MORC4: variants seen among roughly 807,000 people sequenced by gnomAD.
MORC4 encodes MORC family CW-type zinc finger protein 4.
MORC4 carries 22 observed loss-of-function variants against 65.5 expected under a neutral mutation model. The observed-to-expected ratio is 0.34, with a 90% confidence interval of 0.24 to 0.48. The LOEUF is 0.48. Ranked by LOEUF, MORC4 falls within the 20% of genes least tolerant of loss-of-function variation. The pLI, the probability that MORC4 is intolerant of heterozygous loss-of-function variation, is 0.99. For synonymous variants in MORC4, 267 were observed against 255.8 expected, an observed-to-expected ratio of 1.04 and a Z score of -0.42; for missense variants, 624 against 703.0, an observed-to-expected ratio of 0.89 and a Z score of 1.27.
chrX:106,992,017 T>C (rs966577236), intron 3 of MORC4, among the ~76,000 whole-genome samples: 1 of 112,023 alleles, frequency 8.9e-6, no homozygotes, highest in Non-Finnish European at 1.9e-5. Flanking sequence ...TTTCTTAATA[T>C]ATAATATTAA....
Position 106,981,375 on chromosome X carries a change from A to C in MORC4, c.777T>G (p.Ser259=). 3 of 1,207,227 alleles carry C rather than the reference A, an allele frequency of 2.5e-6. No individual in the cohort carries two copies. Among genetic ancestry groups the C allele is most frequent in the Non-Finnish European group, 3.4e-6 (3 of 893,120 alleles). ...AAGAATATTCTGTTTCTGGTAGCTCAGAGGTAACACCGCCAGTCATTTTTT... is the reference window on the plus strand; with the variant it reads ...AAGAATATTCTGTTTCTGGTAGCTCCGAGGTAACACCGCCAGTCATTTTTT... ...TEEKMTGGVT[S]ELPETEYSLR... is the part of the protein sequence containing the mutation. Residue 259 remains serine, a synonymous_variant, in exon 6 of 17, where the codon TCT becomes TCG. Transcript: ENST00000355610.
At chrX:106,997,855 C>G (rs891072413) in intron 2 of MORC4, among the ~76,000 whole-genome samples, 1 of 111,937 alleles carries the variant, frequency 8.9e-6, no homozygotes, top group African/African-American at 3.2e-5. Context: ...TCACCTCCTC[C>G]ACAAAGCCTT....
intron 14 of MORC4, among the ~76,000 whole-genome samples, chrX:106,948,654 C>T (rs2147804459): frequency 9.0e-6 from 1 of 111,673 alleles, no homozygotes; most frequent in South Asian, 3.7e-4. Context: ...TTTTATTTAT[C>T]TGGCAATGTA....
In MORC4 at chrX:106,999,998, T is replaced by C; in HGVS notation, c.-29A>G. On this transcript the variant is annotated 5_prime_UTR_variant, in exon 1 of 17. Transcript: ENST00000355610. The stretch of plus-strand genomic sequence containing the variant: ...TTTGGCCGCCACGGTACCCGTCTGC[T>C]GCCGCCGGACCCCTGGCCCGGCGGT... 1 of 719,027 alleles carries C rather than the reference T, an allele frequency of 1.4e-6. No individual in the cohort carries two copies. Among genetic ancestry groups the C allele is most frequent in the East Asian group, 6.4e-5 (1 of 15,543 alleles). 59.3% of individuals were successfully genotyped at this position (719,027 alleles called of 1,213,427 possible). A position where few individuals can be genotyped will look rare whatever the true frequency, so the allele number is the denominator to read the frequency against.
chrX:106,980,882 T>A lies in MORC4; in HGVS notation c.936+9A>T, dbSNP rs200299194. The A allele has an allele frequency of 2.4e-5, 29 of 1,203,534 alleles. No individual in the cohort carries two copies. In the South Asian group the frequency reaches 4.9e-4, roughly 21 times the overall value. Reference sequence around the variant, plus strand: ...TCAACTTCATGTAGTGGTACACTTGTAAGGATACTGTGAAGGTAGGTTTAT... The same window carrying A: ...TCAACTTCATGTAGTGGTACACTTGAAAGGATACTGTGAAGGTAGGTTTAT... On this transcript the variant is annotated intron_variant, in intron 7 of 16. Coordinates refer to ENST00000355610, the MANE Select transcript of MORC4 (RefSeq NM_024657.5).
At chrX:106,992,785 G>A (rs918233747) in intron 3 of MORC4, among the ~76,000 whole-genome samples, 17 of 111,716 alleles carry the variant, frequency 1.5e-4, no homozygotes, top group African/African-American at 4.6e-4. Flanking sequence ...TGGAGGTCTC[G>A]GACCAGTGAA....
rs376427431 is a variant in MORC4 at position 106,985,104 on chromosome X, G to A, written c.666C>T (p.Asn222=). 5.8e-6 allele frequency: 7 copies of A among 1,197,117 alleles called. No individual in the cohort carries two copies. The highest frequency in any genetic ancestry group is 3.4e-6 in the Non-Finnish European group (3 of 887,435). ...CCCTTGGAATACTATACCTGCGGATGTTCCAAATGAGAACACGAGTGCCTT... is the reference window on the plus strand; with the variant it reads ...CCCTTGGAATACTATACCTGCGGATATTCCAAATGAGAACACGAGTGCCTT... The part of the protein sequence containing the change: ...GKKGTRVLIW[N]IRRNKNGKSE... Residue 222 remains asparagine (N), a synonymous_variant, in exon 5 of 17, where the codon AAC becomes AAT. Coordinates refer to ENST00000355610, the MANE Select transcript of MORC4 (RefSeq NM_024657.5).
intron 14 of MORC4, 104 bp from the exon 15 acceptor site, chrX:106,943,309 A>G: frequency 1.6e-6 from 1 of 617,802 alleles, no homozygotes; most frequent in East Asian, 3.3e-5. Context: ...GACTGACTCT[A>G]GATGTTACCC....
At chrX:106,957,028 C>A (rs200075099) in intron 11 of MORC4, 24 bp from the exon 12 acceptor site, 5 of 1,106,345 alleles carry the variant, frequency 4.5e-6, no homozygotes, top group Middle Eastern at 2.5e-4. Context: ...AATAAATCAT[C>A]CTTTGGAAAA....
In MORC4 at chrX:106,984,761, C is replaced by T. The variant is rs1934833166; in HGVS notation, c.674+335G>A. The stretch of plus-strand genomic sequence containing the variant: ...AAGTGCTGGAATTACAAGCATGAGC[C>T]ACCGCACCCGGCCAGAACTCTTGTT... On this transcript the variant is annotated intron_variant, in intron 5 of 16. Coordinates refer to ENST00000355610, the MANE Select transcript of MORC4 (RefSeq NM_024657.5). Among the ~76,000 whole-genome samples the T allele has an allele frequency of 1.8e-5, 2 of 109,665 alleles. 1 individual carries two copies. The highest frequency in any genetic ancestry group is 3.8e-5 in the Non-Finnish European group (2 of 52,726).
At chrX:106,980,824 T>C in intron 7 of MORC4, 67 bp downstream of exon 7, 1 of 1,078,180 alleles carries the variant, frequency 9.3e-7, no homozygotes, top group Non-Finnish European at 1.3e-6. Context: ...TTTTTCTGTG[T>C]CAACCTGAAA....
rs772400000 is a variant in MORC4 at position 106,976,264 on chromosome X, A to G, written c.1157+320T>C. On this transcript the variant is annotated intron_variant, in intron 9 of 16. Transcript: ENST00000355610. The stretch of plus-strand genomic sequence containing the variant: ...TGCTTTTTTTTATCCAATGTATTCC[A>G]TAACTTCAGATCCATTCATCTGTTT... Among the ~76,000 whole-genome samples, 454 of 111,610 alleles carry G rather than the reference A, an allele frequency of 4.1e-3. 2 individuals carry two copies. The highest frequency in any genetic ancestry group is 0.014 in the African/African-American group (433 of 30,811).
chrX:106,943,893 C>A (rs976992436), intron 14 of MORC4, among the ~76,000 whole-genome samples: 5 of 112,548 alleles, frequency 4.4e-5, no homozygotes, highest in Non-Finnish European at 9.4e-5. Context: ...GCAGGAAAGC[C>A]CATGATGATG....
chrX:106,941,012 GATGT>G lies in MORC4; in HGVS notation c.*463_*466del, dbSNP rs1933659155. The stretch of plus-strand genomic sequence containing the variant: ...TATCATACACTTTTGTGTATAATGT[GATGT>G]ATGTCTTATGTTTCCAACGAGATTG... On this transcript the variant is annotated 3_prime_UTR_variant, in exon 17 of 17. Coordinates refer to ENST00000355610, the MANE Select transcript of MORC4 (RefSeq NM_024657.5). 2 of 113,504 alleles carry G rather than the reference GATGT, an allele frequency of 1.8e-5. No homozygotes were observed. Among genetic ancestry groups the G allele is most frequent in the African/African-American group, 6.5e-5 (2 of 30,699 alleles). The allele number at this position is 113,504 out of a possible 1,213,427, so 9.4% of individuals were successfully genotyped here. A position where few individuals can be genotyped will look rare whatever the true frequency, so the allele number is the denominator to read the frequency against.
intron 10 of MORC4, among the ~76,000 whole-genome samples, chrX:106,959,448 G>C (rs1321634077): frequency 8.9e-6 from 1 of 111,738 alleles, no homozygotes; most frequent in Non-Finnish European, 1.9e-5. Flanking sequence ...TTTTATACTA[G>C]ATATTTCAAC....
intron 7 of MORC4, among the ~76,000 whole-genome samples, chrX:106,979,934 A>G (rs952453471): frequency 9.0e-6 from 1 of 110,753 alleles, no homozygotes; most frequent in African/African-American, 3.3e-5. Flanking sequence ...TTTATGCTTT[A>G]AGAAAACATT....
intron 14 of MORC4, among the ~76,000 whole-genome samples, chrX:106,945,328 A>G (rs948622515): frequency 2.1e-4 from 23 of 109,784 alleles, no homozygotes; most frequent in African/African-American, 7.0e-4. Context: ...TCTACCCAAC[A>G]CTGCATGCAT....
At chrX:106,948,330 C>T (rs1332173125) in intron 14 of MORC4, among the ~76,000 whole-genome samples, 3 of 111,583 alleles carry the variant, frequency 2.7e-5, no homozygotes, top group African/African-American at 9.7e-5. Flanking sequence ...TTCCCATCCA[C>T]CTCCTTTGTG....
At chrX:106,992,420 A>T (rs1350264919) in intron 3 of MORC4, among the ~76,000 whole-genome samples, 1 of 112,619 alleles carries the variant, frequency 8.9e-6, no homozygotes, top group Non-Finnish European at 1.9e-5. Flanking sequence ...GAGAGTAATC[A>T]ACCTCATCTG....
Sources: gnomAD v4.1 joint callset for allele counts (sites outside exome capture counted in the v4.1 genomes callset) on GRCh38, gnomAD v4.1.1 for gene constraint, MANE v1.5 for transcripts, NCBI Gene and HGNC (gene_info 2026-07-23, HGNC 2026-07-21) for gene names.